The following ASCC3 variants were observed in gnomAD, a reference collection of about 807,000 sequenced individuals.
The protein encoded by ASCC3 is activating signal cointegrator 1 complex subunit 3, also known as ASC-1 complex subunit P200.
ASCC3 carries 158 observed loss-of-function variants against 256.3 expected under a neutral mutation model. The observed-to-expected ratio is 0.62, with a 90% CI of 0.54 to 0.70. The LOEUF (loss-of-function observed/expected upper bound fraction) is 0.70. ASCC3 is among the 30% of genes least tolerant of loss of function. The pLI, the probability that ASCC3 is intolerant of heterozygous loss-of-function variation, is 0.00. For synonymous variants in ASCC3, 948 were observed against 883.4 expected (o/e 1.07, Z -1.30); for missense variants, 2,259 against 2,626.0 (o/e 0.86, Z 3.05).
chr6:100,587,372 C>T (rs1444071206), intron 36 of ASCC3, among the ~76,000 whole-genome samples: 1 of 151,446 alleles, frequency 6.6e-6, no homozygotes, highest in Non-Finnish European at 1.5e-5. Flanking sequence ...CACAATTATA[C>T]AATCTTGCTG....
At position 100,638,615 on chromosome 6, in the gene ASCC3, AT is replaced by A; in HGVS notation, c.4107del (p.Lys1369AsnfsTer13). On this transcript the variant is annotated frameshift_variant, in exon 25 of 42. Transcript: ENST00000369162. LOFTEE classifies it high-confidence loss of function. Reference sequence around the variant, plus strand: ...TTTCAACAGACCTTTGAAGTAGGGTATTTGTTGAAGACTCTGAAAATGGCTA... The same window carrying A: ...TTTCAACAGACCTTTGAAGTAGGGTATTGTTGAAGACTCTGAAAATGGCTA... ...AELAIFRVFN[K>X]YPTSKAVYIA... 6.2e-7 allele frequency: 1 copy of A among 1,610,620 alleles called. No homozygotes were observed. Among genetic ancestry groups the A allele is most frequent in the South Asian group, 1.1e-5 (1 of 90,990 alleles).
rs9403997 is a variant in ASCC3, at chr6:100,715,557, A to C, written c.2080-24T>G. ...ATCTTGAAGATTTTAAAACATAAAA[A>C]AAATCATGTGAAACAATTATAAACT... On this transcript the variant is annotated intron_variant, in intron 12 of 41. Transcript: ENST00000369162. 718,978 of 1,583,868 alleles carry C rather than the reference A, an allele frequency of 0.45. 166,254 individuals are homozygous for C. The highest frequency in any genetic ancestry group is 0.59 in the East Asian group (25,945 of 44,294).
intron 24 of ASCC3, among the ~76,000 whole-genome samples, chr6:100,639,324 AAAG>A (rs1774998618): frequency 6.6e-6 from 1 of 152,204 alleles, no homozygotes; most frequent in African/African-American, 2.4e-5. Flanking sequence ...TGGGAGTTTT[AAAG>A]CAAAGCATGA....
At position 100,798,838 on chromosome 6, in the gene ASCC3, T is replaced by C. The variant is rs772621947; in HGVS notation, c.1270A>G (p.Met424Val). ...CTTTGGATTCCTTCTGGCAAAATCA[T>C]CTATAAACATCAACAATAAAAATCC... ...KTSAFIAGAK[M>V]ILPEGIQREN... Residue 424 changes from methionine (M) to valine (V), a missense_variant and splice_region_variant, in exon 8 of 42, where the codon ATG becomes GTG. Met to Val is a conservative substitution (Grantham distance 21). Transcript: ENST00000369162. 6.2e-7 allele frequency: 1 copy of C among 1,609,536 alleles called. No individual in the cohort carries two copies. The highest frequency in any genetic ancestry group is 8.5e-7 in the Non-Finnish European group (1 of 1,177,156).
At chr6:100,618,046 C>T (rs1471580398) in intron 30 of ASCC3, among the ~76,000 whole-genome samples, 1 of 152,180 alleles carries the variant, frequency 6.6e-6, no homozygotes, top group African/African-American at 2.4e-5. Context: ...CAAAATATAA[C>T]TTCTTCTTTT....
At chr6:100,880,329 G>C (rs918623920) in intron 1 of ASCC3, among the ~76,000 whole-genome samples, 1 of 152,176 alleles carries the variant, frequency 6.6e-6, no homozygotes, top group Admixed American at 6.5e-5. Flanking sequence ...TCTGGTGATG[G>C]AGAAAATGGC....
At chr6:100,661,231 T>C (rs1776177529) in intron 16 of ASCC3, among the ~76,000 whole-genome samples, 2 of 151,538 alleles carry the variant, frequency 1.3e-5, no homozygotes, top group African/African-American at 4.8e-5. Context: ...GTTCTATACA[T>C]ATACTCTAAA....
intron 13 of ASCC3, among the ~76,000 whole-genome samples, chr6:100,696,559 T>G (rs1372220354): frequency 6.6e-6 from 1 of 151,960 alleles, no homozygotes; most frequent in Non-Finnish European, 1.5e-5. Flanking sequence ...ATTCAATACA[T>G]CATTCTCTAG....
chr6:100,581,072 T>C (rs995135181), intron 36 of ASCC3, among the ~76,000 whole-genome samples: 2 of 152,066 alleles, frequency 1.3e-5, no homozygotes, highest in African/African-American at 2.4e-5. Flanking sequence ...AGCAGCATGA[T>C]TTATAGTCCT....
intron 25 of ASCC3, among the ~76,000 whole-genome samples, chr6:100,634,547 T>A (rs73500997): frequency 0.02 from 3,114 of 152,160 alleles, 106 homozygotes; most frequent in African/African-American, 0.073. Context: ...CAATAGCAGA[T>A]AAACCCAAAT....
At chr6:100,694,468 AG>A (rs2114989310) in intron 13 of ASCC3, among the ~76,000 whole-genome samples, 1 of 152,286 alleles carries the variant, frequency 6.6e-6, no homozygotes, top group East Asian at 1.9e-4. Flanking sequence ...TGGGTGACAG[AG>A]GAAGGCTCAA....
chr6:100,748,387 C>A (rs546818254), intron 10 of ASCC3, among the ~76,000 whole-genome samples: 2 of 151,784 alleles, frequency 1.3e-5, no homozygotes, highest in Non-Finnish European at 2.9e-5. Context: ...ATGTACCAAC[C>A]GTTATCCTCA....
intron 30 of ASCC3, 128 bp from the exon 31 acceptor site, chr6:100,607,216 T>A: frequency 1.0e-6 from 1 of 956,054 alleles, no homozygotes; most frequent in Non-Finnish European, 1.6e-6. Flanking sequence ...AAGTCCTATA[T>A]ACAGTTATGA....
chr6:100,871,708 G>T (rs769309284), intron 1 of ASCC3, among the ~76,000 whole-genome samples: 1 of 152,194 alleles, frequency 6.6e-6, no homozygotes, highest in Non-Finnish European at 1.5e-5. Flanking sequence ...CAAGGCTGCA[G>T]TAAGCCATGA....
At position 100,614,656 on chromosome 6, in the gene ASCC3, C is replaced by A. The variant is rs78508012; in HGVS notation, c.4786-7568G>T. 5.1e-3 allele frequency among the ~76,000 whole-genome samples: 778 copies of A among 152,244 alleles called. 5 individuals carry two copies. Among genetic ancestry groups the A allele is most frequent in the African/African-American group, 0.018 (748 of 41,542 alleles). ...CAAGCACAATGCCACCCTCTAATCA[C>A]TACATGAATAAGAGGGATATTTAGT... is the stretch of plus-strand genomic sequence containing the variant. On this transcript the variant is annotated intron_variant, in intron 30 of 41. Coordinates refer to ENST00000369162, the MANE Select transcript of ASCC3 (RefSeq NM_006828.4).
chr6:100,582,321 C>T (rs1771333879), intron 36 of ASCC3, among the ~76,000 whole-genome samples: 2 of 151,964 alleles, frequency 1.3e-5, no homozygotes, highest in Non-Finnish European at 2.9e-5. Flanking sequence ...AAGTTGGATT[C>T]CTAGGTATTT....
chr6:100,808,012 A>C (rs964571622), intron 4 of ASCC3, among the ~76,000 whole-genome samples: 1 of 151,954 alleles, frequency 6.6e-6, no homozygotes, highest in Non-Finnish European at 1.5e-5. Flanking sequence ...TGAGCCTCCT[A>C]CACAAAGGAA....
rs1562162381 is a variant in ASCC3, at chr6:100,608,438, T to TTATATATATTTTATATATATATACTTTA, written c.4786-1378_4786-1351dup. Among the ~76,000 whole-genome samples the TTATATATATTTTATATATATATACTTTA allele has an allele frequency of 9.0e-4, 42 of 46,642 alleles. 16 individuals carry two copies. The highest frequency in any genetic ancestry group is 1.3e-3 in the African/African-American group (11 of 8,434). The allele number at this position is 46,642 out of a possible 152,430, so 30.6% of individuals were successfully genotyped here. On this transcript the variant is annotated intron_variant, in intron 30 of 41. Coordinates refer to ENST00000369162, the MANE Select transcript of ASCC3 (RefSeq NM_006828.4). ...CTTATATATATTTTATATATATACT[T>TTATATATATTTTATATATATATACTTTA]TATATATATTTTATATATATATACT...
chr6:100,684,268 T>A (rs1371950282), intron 13 of ASCC3, among the ~76,000 whole-genome samples: 1 of 152,206 alleles, frequency 6.6e-6, no homozygotes, highest in Non-Finnish European at 1.5e-5. Flanking sequence ...AGAGTTACAA[T>A]GTATCACAGG....
Sources: gnomAD v4.1 joint callset for allele counts (sites outside exome capture counted in the v4.1 genomes callset) on GRCh38, gnomAD v4.1.1 for gene constraint, MANE v1.5 for transcripts, NCBI Gene and HGNC (gene_info 2026-07-23, HGNC 2026-07-21) for gene names.